The following PCDHA2 variants were observed in gnomAD, a reference collection of about 807,000 sequenced individuals.
PCDHA2 encodes protocadherin alpha 2, also known as protocadherin alpha-2.
PCDHA2 carries 58 observed loss-of-function variants against 66.0 expected under a neutral mutation model. That is an observed-to-expected ratio of 0.88 (90% CI 0.71 to 1.09). The LOEUF (loss-of-function observed/expected upper bound fraction) is 1.09. Ranked by LOEUF, PCDHA2 falls within the 50% of genes least tolerant of loss-of-function variation. The pLI, the probability that PCDHA2 is intolerant of heterozygous loss-of-function variation, is 0.00. For missense variants in PCDHA2, 1,267 were observed against 1,242.3 expected, an observed-to-expected ratio of 1.02 and a Z score of -0.30; for synonymous variants, 634 against 554.0, an observed-to-expected ratio of 1.14 and a Z score of -2.03.
chr5:140,941,173 A>G (rs1235741316), intron 1 of PCDHA2, among the ~76,000 whole-genome samples: 5 of 135,522 alleles, frequency 3.7e-5, no homozygotes, highest in Non-Finnish European at 4.9e-5. Flanking sequence ...CCCCATCTTG[A>G]ACATCCTGCT....
rs180683275 is a variant in PCDHA2 at position 140,985,540 on chromosome 5, T to C, written c.2536+2977T>C. 7.6e-3 allele frequency among the ~76,000 whole-genome samples: 1,162 copies of C among 152,268 alleles called. 7 individuals are homozygous for C. The highest frequency in any genetic ancestry group is 0.012 in the Non-Finnish European group (785 of 68,010). On this transcript the variant is annotated intron_variant, in intron 3 of 3. Coordinates refer to ENST00000526136, the MANE Select transcript of PCDHA2 (RefSeq NM_018905.3). ...TGCCCTTAAAGCTTCACGGTGAAGATGCAGTTGCTTCCAAAAGGCTTCTTT... is the reference window on the plus strand; with the variant it reads ...TGCCCTTAAAGCTTCACGGTGAAGACGCAGTTGCTTCCAAAAGGCTTCTTT...
intron 3 of PCDHA2, among the ~76,000 whole-genome samples, chr5:140,990,473 C>G (rs1268910696): frequency 6.6e-6 from 1 of 152,186 alleles, no homozygotes; most frequent in Non-Finnish European, 1.5e-5. Flanking sequence ...TATCATGTAT[C>G]AAGCTGAATA....
At chr5:140,937,162 C>A (rs2091378704) in intron 1 of PCDHA2, among the ~76,000 whole-genome samples, 1 of 151,684 alleles carries the variant, frequency 6.6e-6, no homozygotes, top group Non-Finnish European at 1.5e-5. Flanking sequence ...CTCAGCCTCC[C>A]GAGTAGCTGG....
At chr5:140,824,494 T>C (rs1768139235) in intron 1 of PCDHA2, 2 of 339,832 alleles carry the variant, frequency 5.9e-6, no homozygotes, top group South Asian at 3.6e-5. Flanking sequence ...AGACCCTTTG[T>C]TGCTTAGTCT....
At chr5:140,850,821 C>T in intron 1 of PCDHA2, 1 of 1,598,302 alleles carries the variant, frequency 6.3e-7, no homozygotes, top group Non-Finnish European at 8.6e-7. Flanking sequence ...CAGCCCGGGC[C>T]TTTCTCCTTG....
chr5:140,813,496 G>T (rs1278753033), intron 1 of PCDHA2: 1 of 152,076 alleles, frequency 6.6e-6, no homozygotes, highest in Non-Finnish European at 1.5e-5. Flanking sequence ...CATCTAAAAG[G>T]TACAGTAAAA....
rs146587864 is a variant in PCDHA2 at position 140,950,030 on chromosome 5, A to G, written c.2389-28919A>G. Among the ~76,000 whole-genome samples the G allele has an allele frequency of 2.6e-4, 39 of 152,064 alleles. 1 individual carries two copies. The East Asian group carries it at 4.8e-3, about 19-fold the overall frequency. On this transcript the variant is annotated intron_variant, in intron 1 of 3. Transcript: ENST00000526136. ...TGTACAACCTTCATAAAATATAGAA[A>G]AGTTACAACCATATAAGACTATTTA...
At chr5:140,980,555 G>A (rs1050580342) in intron 2 of PCDHA2, among the ~76,000 whole-genome samples, 1 of 152,068 alleles carries the variant, frequency 6.6e-6, no homozygotes, top group Non-Finnish European at 1.5e-5. Flanking sequence ...GCTTGAACCC[G>A]GGAGGCGGAA....
intron 3 of PCDHA2, among the ~76,000 whole-genome samples, chr5:140,986,690 A>G (rs2097209589): frequency 6.6e-6 from 1 of 152,172 alleles, no homozygotes; most frequent in African/African-American, 2.4e-5. Flanking sequence ...AAAGTTTCAA[A>G]ACACACAGCA....
intron 1 of PCDHA2, among the ~76,000 whole-genome samples, chr5:140,962,845 C>G (rs2095712902): frequency 6.6e-6 from 1 of 152,172 alleles, no homozygotes; most frequent in African/African-American, 2.4e-5. Flanking sequence ...TATTATATAA[C>G]TTGTGCTCGG....
intron 1 of PCDHA2, among the ~76,000 whole-genome samples, chr5:140,800,454 T>C (rs1401374286): frequency 6.6e-6 from 1 of 152,170 alleles, no homozygotes; most frequent in Admixed American, 6.5e-5. Context: ...TAAAAGTAGA[T>C]ATATGTATGT....
At chr5:140,847,344 C>T (rs1478232751) in intron 1 of PCDHA2, 1 of 149,742 alleles carries the variant, frequency 6.7e-6, no homozygotes, top group African/African-American at 2.4e-5. Context: ...ACCTCTTAGG[C>T]TGTTATCAGT....
intron 1 of PCDHA2, chr5:140,875,853 C>T (rs2055871558): frequency 6.2e-7 from 1 of 1,614,162 alleles, no homozygotes; most frequent in African/African-American, 1.3e-5. Flanking sequence ...AGGACATTAA[C>T]GACAACCCGC....
chr5:140,928,605 C>T, intron 1 of PCDHA2: 1 of 1,614,208 alleles, frequency 6.2e-7, no homozygotes, highest in South Asian at 1.1e-5. Flanking sequence ...AAATTGTGCC[C>T]CGCTCTGCCA....
intron 1 of PCDHA2, among the ~76,000 whole-genome samples, chr5:140,940,004 A>AT (rs1326829458): frequency 2.6e-5 from 4 of 152,120 alleles, no homozygotes; most frequent in Admixed American, 1.3e-4. Context: ...GATTTTGTCA[A>AT]TTTTTTGTGT....
chr5:140,870,954 G>A, intron 1 of PCDHA2: 1 of 1,613,632 alleles, frequency 6.2e-7, no homozygotes, highest in Non-Finnish European at 8.5e-7. Flanking sequence ...CGGGCGGCTC[G>A]CGCATCCCGT....
intron 1 of PCDHA2, chr5:140,858,050 C>G: frequency 6.3e-7 from 1 of 1,597,552 alleles, no homozygotes; most frequent in Non-Finnish European, 8.6e-7. Flanking sequence ...GCTTGTGTCG[C>G]TTGTGGAGGG....
At chr5:140,838,145 A>G (rs1356834220) in intron 1 of PCDHA2, among the ~76,000 whole-genome samples, 8 of 118,544 alleles carry the variant, frequency 6.7e-5, no homozygotes, top group Non-Finnish European at 1.1e-4. Flanking sequence ...ACAGAGTTTT[A>G]CTCTGTCGCC....
chr5:140,916,303 A>G (rs2077518127), intron 1 of PCDHA2, among the ~76,000 whole-genome samples: 1 of 152,176 alleles, frequency 6.6e-6, no homozygotes, highest in Admixed American at 6.5e-5. Context: ...ACTGGTACCA[A>G]AGGTGCAAGA....
Sources: gnomAD v4.1 joint callset for allele counts (sites outside exome capture counted in the v4.1 genomes callset) on GRCh38, gnomAD v4.1.1 for gene constraint, MANE v1.5 for transcripts, NCBI Gene and HGNC (gene_info 2026-07-23, HGNC 2026-07-21) for gene names.